Variants in CLIC2 observed in about 807,000 individuals in gnomAD.
CLIC2 encodes the protein chloride intracellular channel protein 2.
Under a neutral mutation model 14.8 loss-of-function variants are expected in CLIC2, and 9 were observed. The observed-to-expected ratio is 0.61, with a 90% CI of 0.37 to 1.06. The LOEUF is 1.06. Among genes scored for constraint, CLIC2 ranks in the 50% least tolerant of loss-of-function variants. The probability of loss-of-function intolerance (pLI) is 0.01; values close to 1 mark genes in which losing one functional copy is unlikely to be tolerated. For synonymous variants in CLIC2, 61 were observed against 66.3 expected, an observed-to-expected ratio of 0.92 and a Z score of 0.39; for missense variants, 148 against 181.4, an observed-to-expected ratio of 0.82 and a Z score of 1.06.
chrX:155,334,486 A>G lies in CLIC2; in HGVS notation c.-59T>C. ...CTCCTGTAGAGTCCACAATACTTGT[A>G]GACTCTTTTCTCAATTTTATCCAAA... On this transcript the variant is annotated 5_prime_UTR_variant, in exon 1 of 6. Transcript: ENST00000369449. 6 of 954,330 alleles carry G rather than the reference A, an allele frequency of 6.3e-6. No homozygotes were observed. Among genetic ancestry groups the G allele is most frequent in the African/African-American group, 1.9e-5 (1 of 52,763 alleles). The allele number at this position is 954,330 out of a possible 1,213,427, so 78.6% of individuals were successfully genotyped here. A position where few individuals can be genotyped will look rare whatever the true frequency, so the allele number is the denominator to read the frequency against.
intron 3 of CLIC2, chrX:155,292,244 G>C (rs2074970040): frequency 1.8e-6 from 1 of 568,349 alleles, no homozygotes; most frequent in African/African-American, 2.2e-5. Flanking sequence ...AGAGAGACGA[G>C]ATTTGTCTCA....
chrX:155,314,044 G>C lies in CLIC2; in HGVS notation c.58-14899C>G, dbSNP rs1250907214. Among the ~76,000 whole-genome samples the C allele has an allele frequency of 3.6e-5, 4 of 111,020 alleles. No homozygotes were observed. In the Admixed American group the frequency reaches 3.8e-4, roughly 11 times the overall value. ...AGCAGCCACAGCAAGCTACACTCAA[G>C]GAGAGTCTGAGCTCAGACATGCCTA... On this transcript the variant is annotated intron_variant, in intron 1 of 5. Coordinates refer to ENST00000369449, the MANE Select transcript of CLIC2 (RefSeq NM_001289.6).
intron 1 of CLIC2, 141 bp downstream of exon 1, chrX:155,334,230 C>A (rs2075166522): frequency 3.8e-6 from 2 of 530,997 alleles, no homozygotes; most frequent in African/African-American, 2.3e-5. Flanking sequence ...CCCGGGCATT[C>A]TTCTAGAACT....
At chrX:155,311,294 C>T (rs2075073535) in intron 1 of CLIC2, among the ~76,000 whole-genome samples, 1 of 111,829 alleles carries the variant, frequency 8.9e-6, no homozygotes, top group Non-Finnish European at 1.9e-5. Flanking sequence ...GAATGCTTTG[C>T]TGCTTAGAAA....
At chrX:155,280,126 C>T (rs2074913549) in intron 3 of CLIC2, 58 bp from the exon 4 acceptor site, 2 of 792,296 alleles carry the variant, frequency 2.5e-6, no homozygotes, top group Admixed American at 4.5e-5. Flanking sequence ...AGACCAGGTG[C>T]CCTAGCTTGC....
At chrX:155,305,088 T>A (rs1354684547) in intron 1 of CLIC2, among the ~76,000 whole-genome samples, 3 of 112,461 alleles carry the variant, frequency 2.7e-5, no homozygotes, top group Non-Finnish European at 3.8e-5. Context: ...CAGACCTCTT[T>A]GAGCTGTGGT....
Position 155,292,957 on chromosome X carries a change from C to T in CLIC2, c.293+5828G>A, listed in dbSNP as rs782747973. 8.5e-6 allele frequency: 9 copies of T among 1,064,716 alleles called. No homozygotes were observed. In the South Asian group the frequency reaches 1.5e-4, roughly 18 times the overall value. 87.7% of individuals were successfully genotyped at this position (1,064,716 alleles called of 1,213,427 possible). A position where few individuals can be genotyped will look rare whatever the true frequency, so the allele number is the denominator to read the frequency against. On this transcript the variant is annotated intron_variant, in intron 3 of 5. Coordinates refer to ENST00000369449, the MANE Select transcript of CLIC2 (RefSeq NM_001289.6). Reference sequence around the variant, plus strand: ...AAAGGTCAGTTCTTACCCAGTGGCTCTCATCCCCGGACAGTTCCAGGAATA... The same window carrying T: ...AAAGGTCAGTTCTTACCCAGTGGCTTTCATCCCCGGACAGTTCCAGGAATA...
intron 1 of CLIC2, 113 bp from the exon 2 acceptor site, chrX:155,299,258 A>G: frequency 3.6e-6 from 2 of 553,167 alleles, no homozygotes; most frequent in East Asian, 7.2e-5. Context: ...TCTTAATCTC[A>G]TGTACTCCAT....
At chrX:155,313,153 G>A (rs183621491) in intron 1 of CLIC2, among the ~76,000 whole-genome samples, 106 of 95,745 alleles carry the variant, frequency 1.1e-3, no homozygotes, top group Non-Finnish European at 1.8e-3. Flanking sequence ...TTCTAGACCA[G>A]CCCAGGATAC....
chrX:155,309,177 G>C (rs1289126673), intron 1 of CLIC2, among the ~76,000 whole-genome samples: 3 of 111,681 alleles, frequency 2.7e-5, no homozygotes, highest in Non-Finnish European at 3.8e-5. Flanking sequence ...ATGGTGGCAC[G>C]TGCCTGTAGT....
chrX:155,293,154 C>CT (rs782056644), intron 3 of CLIC2: 22 of 672,939 alleles, frequency 3.3e-5, no homozygotes, highest in Non-Finnish European at 5.2e-5. Flanking sequence ...CGGACAGCTC[C>CT]TCTGGCAAGG....
chrX:155,300,740 G>C (rs1375844583), intron 1 of CLIC2, among the ~76,000 whole-genome samples: 21 of 96,466 alleles, frequency 2.2e-4, no homozygotes, highest in African/African-American at 7.6e-4. Context: ...AATCCATCTT[G>C]AATTGATTTT....
chrX:155,290,402 G>A (rs781833893), intron 3 of CLIC2: 578 of 471,846 alleles, frequency 1.2e-3, no homozygotes, highest in Middle Eastern at 6.4e-3. Flanking sequence ...ATTAGTCTTC[G>A]AATTCTTCTT....
intron 3 of CLIC2, among the ~76,000 whole-genome samples, chrX:155,281,070 G>A (rs1265159701): frequency 1.9e-5 from 2 of 106,034 alleles, no homozygotes; most frequent in Non-Finnish European, 3.9e-5. Flanking sequence ...TTGCAACAAC[G>A]TGGATGAGCC....
rs1259487770 is a variant in CLIC2 at position 155,276,292 on chromosome X, A to T, written c.*1611T>A. 1 of 112,106 alleles carries T rather than the reference A, an allele frequency of 8.9e-6. No individual in the cohort carries two copies. The highest frequency in any genetic ancestry group is 3.2e-5 in the African/African-American group (1 of 30,895). 9.2% of individuals were successfully genotyped at this position (112,106 alleles called of 1,213,427 possible). On this transcript the variant is annotated 3_prime_UTR_variant, in exon 6 of 6. Coordinates refer to ENST00000369449, the MANE Select transcript of CLIC2 (RefSeq NM_001289.6). Reference sequence around the variant, plus strand: ...TATATGGGATACAATGTGGTGTTTCAATGCATGTACACACAGTATAATGAT... The same window carrying T: ...TATATGGGATACAATGTGGTGTTTCTATGCATGTACACACAGTATAATGAT...
chrX:155,304,575 T>C (rs1292209000), intron 1 of CLIC2, among the ~76,000 whole-genome samples: 2 of 99,558 alleles, frequency 2.0e-5, no homozygotes, highest in Non-Finnish European at 4.1e-5. Context: ...CCTTCTTCTC[T>C]CAGCTCGTCA....
chrX:155,285,460 T>A (rs79917607), intron 3 of CLIC2, among the ~76,000 whole-genome samples: 1 of 112,067 alleles, frequency 8.9e-6, no homozygotes, highest in South Asian at 3.7e-4. Flanking sequence ...GTGTTCCATA[T>A]GTGAGAAGAG....
chrX:155,302,495 G>T (rs1479939695), intron 1 of CLIC2, among the ~76,000 whole-genome samples: 1 of 100,660 alleles, frequency 9.9e-6, no homozygotes. Flanking sequence ...TCTTGCTAGC[G>T]GTCTATCAAT....
Position 155,280,144 on chromosome X carries a change from T to C in CLIC2, c.294-76A>G. 3 of 658,193 alleles carry C rather than the reference T, an allele frequency of 4.6e-6. No homozygotes were observed. In the Admixed American group the frequency reaches 7.1e-5, roughly 16 times the overall value. The allele number at this position is 658,193 out of a possible 1,213,427, so 54.2% of individuals were successfully genotyped here. ...CCAGGTGCCCTAGCTTGCACTATAC[T>C]GAAAATGGAAGTTCTGGAACATTGT... is the stretch of plus-strand genomic sequence containing the variant. On this transcript the variant is annotated intron_variant, in intron 3 of 5. Coordinates refer to ENST00000369449, the MANE Select transcript of CLIC2 (RefSeq NM_001289.6).
Sources: gnomAD v4.1 joint callset for allele counts (sites outside exome capture counted in the v4.1 genomes callset) on GRCh38, gnomAD v4.1.1 for gene constraint, MANE v1.5 for transcripts, NCBI Gene and HGNC (gene_info 2026-07-23, HGNC 2026-07-21) for gene names.